The following TRIP11 variants were observed in gnomAD, a reference collection of about 807,000 sequenced individuals.
TRIP11 encodes thyroid receptor-interacting protein 11.
Under a neutral mutation model 223.1 loss-of-function variants are expected in TRIP11, and 148 were observed. The ratio of observed to expected loss-of-function variants is 0.66; its 90% confidence interval spans 0.58 to 0.76. The LOEUF is 0.76. Among genes scored for constraint, TRIP11 ranks in the 30% least tolerant of loss-of-function variants. The pLI, the probability that TRIP11 is intolerant of heterozygous loss-of-function variation, is 0.00. For missense variants in TRIP11, 2,043 were observed against 2,222.0 expected (o/e 0.92, Z 1.62); for synonymous variants, 762 against 772.6 (o/e 0.99, Z 0.23).
At chr14:92,027,162 T>G (rs1032038527) in intron 2 of TRIP11, among the ~76,000 whole-genome samples, 1 of 151,974 alleles carries the variant, frequency 6.6e-6, no homozygotes, top group African/African-American at 2.4e-5. Context: ...TTATTTTCAT[T>G]TTATATTTTT....
At chr14:91,985,595 G>A (rs1815438971) in intron 16 of TRIP11, among the ~76,000 whole-genome samples, 1 of 152,206 alleles carries the variant, frequency 6.6e-6, no homozygotes, top group African/African-American at 2.4e-5. Context: ...TTGTTTAAAT[G>A]CTGAAACTGT....
chr14:91,999,335 A>G lies in TRIP11; in HGVS notation c.4797T>C (p.Ala1599=). The change falls in exon 13 of 21, where the codon GCT becomes GCC. Residue 1599 remains alanine (A), a synonymous_variant. Coordinates refer to ENST00000267622, the MANE Select transcript of TRIP11 (RefSeq NM_004239.4). ...LESEDSYTRE[A]LAAEDREAKL... ...TAGCCTCTCTATCTTCTGCAGCCAAAGCTTCACGGGTATAAGAATCTTCTG... is the reference window on the plus strand; with the variant it reads ...TAGCCTCTCTATCTTCTGCAGCCAAGGCTTCACGGGTATAAGAATCTTCTG... 1 of 1,613,966 alleles carries G rather than the reference A, an allele frequency of 6.2e-7. No individual in the cohort carries two copies. The highest frequency in any genetic ancestry group is 8.5e-7 in the Non-Finnish European group (1 of 1,179,930).
intron 4 of TRIP11, 21 bp downstream of exon 4, chr14:92,021,535 C>T: frequency 6.2e-7 from 1 of 1,612,974 alleles, no homozygotes; most frequent in Non-Finnish European, 8.5e-7. Context: ...TTTTCAAAAA[C>T]TCTAAAAAAT....
chr14:91,993,246 G>A (rs2056702208), intron 15 of TRIP11, among the ~76,000 whole-genome samples: 1 of 152,072 alleles, frequency 6.6e-6, no homozygotes, highest in South Asian at 2.1e-4. Flanking sequence ...GGAGGCTGAG[G>A]TGGGCAGATC....
At chr14:91,994,038 G>A in intron 14 of TRIP11, 126 bp from the exon 15 acceptor site, 1 of 718,038 alleles carries the variant, frequency 1.4e-6, no homozygotes, top group Admixed American at 2.2e-5. Flanking sequence ...AAGAATATAT[G>A]CCTTAGTGAT....
chr14:91,994,794 T>C (rs760321232), intron 14 of TRIP11, among the ~76,000 whole-genome samples: 11 of 152,348 alleles, frequency 7.2e-5, no homozygotes, highest in Admixed American at 1.3e-4. Flanking sequence ...AAGGTATATT[T>C]GTTTCTCAGG....
Position 92,015,843 on chromosome 14 carries a change from T to C in TRIP11, c.676A>G (p.Ser226Gly), listed in dbSNP as rs370894991. The C allele has an allele frequency of 6.2e-7, 1 of 1,611,966 alleles. No homozygotes were observed. Among genetic ancestry groups the C allele is most frequent in the African/African-American group, 1.3e-5 (1 of 75,038 alleles). ...NIIKELKQNR[S>G]QEIDDHQHEM... Reference sequence around the variant, plus strand: ...TGTTGATGGTCATCAATTTCCTGACTTCGGTTCTGTTTTAGTTCCTTAAAA... The same window carrying C: ...TGTTGATGGTCATCAATTTCCTGACCTCGGTTCTGTTTTAGTTCCTTAAAA... The change falls in exon 6 of 21, where the codon AGT becomes GGT. Residue 226 changes from serine to glycine, a missense_variant. Transcript: ENST00000267622.
At chr14:92,001,873 G>A (rs902652987) in intron 11 of TRIP11, among the ~76,000 whole-genome samples, 6 of 152,126 alleles carry the variant, frequency 3.9e-5, no homozygotes, top group South Asian at 2.1e-4. Flanking sequence ...AAGCTAAGAA[G>A]TTATCTCAGA....
Position 92,014,654 on chromosome 14 carries a change from G to C in TRIP11, c.824-77C>G, listed in dbSNP as rs1046309394. 3 of 1,451,262 alleles carry C rather than the reference G, an allele frequency of 2.1e-6. No homozygotes were observed. The East Asian group carries it at 7.2e-5, about 35-fold the overall frequency. 89.9% of individuals were successfully genotyped at this position (1,451,262 alleles called of 1,614,324 possible). A position where few individuals can be genotyped will look rare whatever the true frequency, so the allele number is the denominator to read the frequency against. ...AACGGTTTGCTATATACAACTAAGA[G>C]ATATAAGACAGTTCAGAATTTGGAA... On this transcript the variant is annotated intron_variant, in intron 6 of 20. Transcript: ENST00000267622.
intron 20 of TRIP11, among the ~76,000 whole-genome samples, chr14:91,972,095 T>G (rs989664150): frequency 1.3e-5 from 2 of 152,218 alleles, no homozygotes; most frequent in Non-Finnish European, 2.9e-5. Context: ...ATATATGATA[T>G]GAACATAAAT....
At position 92,011,446 on chromosome 14, in the gene TRIP11, G is replaced by A. The variant is rs118001999; in HGVS notation, c.1227+309C>T. On this transcript the variant is annotated intron_variant, in intron 8 of 20. Coordinates refer to ENST00000267622, the MANE Select transcript of TRIP11 (RefSeq NM_004239.4). ...GTGGAGGTTGCGGAGAGCCGAGATC[G>A]CGACTCCAGCCTGGGTGACAGAGCA... is the stretch of plus-strand genomic sequence containing the variant. Among the ~76,000 whole-genome samples, 2,751 of 132,700 alleles carry A rather than the reference G, an allele frequency of 0.021. 53 individuals carry two copies. Among genetic ancestry groups the A allele is most frequent in the South Asian group, 0.092 (383 of 4,182 alleles). The allele number at this position is 132,700 out of a possible 152,430, so 87.1% of individuals were successfully genotyped here. A position where few individuals can be genotyped will look rare whatever the true frequency, so the allele number is the denominator to read the frequency against.
intron 11 of TRIP11, among the ~76,000 whole-genome samples, chr14:92,001,690 T>C (rs2056829101): frequency 6.6e-6 from 1 of 152,170 alleles, no homozygotes; most frequent in Non-Finnish European, 1.5e-5. Flanking sequence ...AACTAAATTG[T>C]ACAAAACGCT....
chr14:91,989,416 A>C (rs1051376515), intron 15 of TRIP11, among the ~76,000 whole-genome samples: 5 of 151,540 alleles, frequency 3.3e-5, no homozygotes, highest in African/African-American at 1.2e-4. Context: ...AAATTAGTTT[A>C]GGTTTTAGTT....
intron 13 of TRIP11, 103 bp downstream of exon 13, chr14:91,999,137 T>C (rs575485274): frequency 4.2e-5 from 53 of 1,263,338 alleles, no homozygotes; most frequent in Admixed American, 8.2e-5. Flanking sequence ...AAAATACAGA[T>C]AATGAATTTT....
At position 92,004,799 on chromosome 14, in the gene TRIP11, CTGAG is replaced by C. The variant is rs2056876641; in HGVS notation, c.3173_3176del (p.Thr1058ArgfsTer47). 2 of 1,614,108 alleles carry C rather than the reference CTGAG, an allele frequency of 1.2e-6. No homozygotes were observed. The highest frequency in any genetic ancestry group is 1.7e-6 in the Non-Finnish European group (2 of 1,180,016). On this transcript the variant is annotated frameshift_variant, in exon 11 of 21. Coordinates refer to ENST00000267622, the MANE Select transcript of TRIP11 (RefSeq NM_004239.4). LOFTEE classifies it high-confidence loss of function. ...TCTCCAAATCTTTCTGCTGAATAAT[CTGAG>C]TTAGTTTACCAACTTCATCTTTGGA... is the stretch of plus-strand genomic sequence containing the variant.
In TRIP11 at chr14:91,967,508, T is replaced by C. The variant is rs1038809297; in HGVS notation, c.*2165A>G. On this transcript the variant is annotated 3_prime_UTR_variant, in exon 21 of 21. Transcript: ENST00000267622. Reference sequence around the variant, plus strand: ...AGCCATTTAATATCATGCTCTGTGATGTTTAGCTATGCAATCCACCCACAA... The same window carrying C: ...AGCCATTTAATATCATGCTCTGTGACGTTTAGCTATGCAATCCACCCACAA... 5.1e-6 allele frequency: 1 copy of C among 195,900 alleles called. No homozygotes were observed. Among genetic ancestry groups the C allele is most frequent in the African/African-American group, 2.3e-5 (1 of 43,198 alleles). The allele number at this position is 195,900 out of a possible 1,614,324, so 12.1% of individuals were successfully genotyped here.
chr14:91,973,877 T>C (rs2056430067), intron 19 of TRIP11, among the ~76,000 whole-genome samples: 1 of 151,896 alleles, frequency 6.6e-6, no homozygotes, highest in Non-Finnish European at 1.5e-5. Context: ...ATACAAAAAC[T>C]AGCTGGGCGT....
rs1278800757 is a variant in TRIP11, at chr14:91,995,453, C to T, written c.4955G>A (p.Arg1652Lys). Residue 1652 changes from arginine to lysine, a missense_variant, in exon 14 of 21, where the codon AGG becomes AAG. Coordinates refer to ENST00000267622, the MANE Select transcript of TRIP11 (RefSeq NM_004239.4). ...AGAAAGCTGCAGCGCAGTTTCATCC[C>T]TTTGCTTGGAAACTACATTCAACTG... Reference protein sequence around the residue: ...QEQLNVVSKQRDETALQLSVS... With the variant: ...QEQLNVVSKQKDETALQLSVS... The T allele has an allele frequency of 1.2e-6, 2 of 1,614,132 alleles. No homozygotes were observed. The highest frequency in any genetic ancestry group is 1.7e-5 in the Admixed American group (1 of 60,022).
At chr14:92,031,543 T>C (rs889571387) in intron 2 of TRIP11, among the ~76,000 whole-genome samples, 3 of 152,010 alleles carry the variant, frequency 2.0e-5, no homozygotes, top group Non-Finnish European at 2.9e-5. Context: ...TGCCACTGTA[T>C]TCCAGCCTGG....
Sources: allele counts gnomAD v4.1 joint callset (sites outside exome capture counted in the v4.1 genomes callset), GRCh38; gene constraint gnomAD v4.1.1; transcripts MANE v1.5; gene names NCBI Gene and HGNC (gene_info 2026-07-23, HGNC 2026-07-21).